Variants in CRADD observed in about 807,000 individuals in gnomAD.
CRADD encodes the protein CARD and death domain containing adaptor protein, also known as death domain-containing protein CRADD.
In CRADD, 9 loss-of-function variants were observed where a neutral mutation model predicts 15.5. That is an observed-to-expected ratio of 0.58 (90% confidence interval 0.35 to 1.01). The LOEUF (loss-of-function observed/expected upper bound fraction) is 1.01. Ranked by LOEUF, CRADD falls within the 50% of genes least tolerant of loss-of-function variation. CRADD has a pLI of 0.02. For synonymous variants in CRADD, 118 were observed against 107.6 expected (o/e 1.10, Z -0.60); for missense variants, 227 against 250.3 (o/e 0.91, Z 0.63).
intron 2 of CRADD, among the ~76,000 whole-genome samples, chr12:93,878,042 C>A (rs933677181): frequency 2.6e-5 from 4 of 152,174 alleles, no homozygotes; most frequent in Non-Finnish European, 4.4e-5. Flanking sequence ...TTATTCAGGG[C>A]CCAAGGGCTC....
At chr12:93,743,757 C>A (rs892200881) in intron 2 of CRADD, among the ~76,000 whole-genome samples, 9 of 152,246 alleles carry the variant, frequency 5.9e-5, no homozygotes, top group African/African-American at 2.2e-4. Context: ...TATGCATCTT[C>A]TTTTGAATTG....
chr12:93,875,807 C>A (rs1011866125), intron 2 of CRADD, among the ~76,000 whole-genome samples: 9 of 152,136 alleles, frequency 5.9e-5, no homozygotes, highest in Admixed American at 3.9e-4. Context: ...TCTATTGGTT[C>A]ATCATTTAGT....
chr12:93,747,727 A>G (rs1012523303), intron 2 of CRADD, among the ~76,000 whole-genome samples: 1 of 152,074 alleles, frequency 6.6e-6, no homozygotes, highest in South Asian at 2.1e-4. Context: ...TGGCCTTCCA[A>G]GGTGCTAGGA....
chr12:93,722,316 A>T (rs1289228667), intron 2 of CRADD, among the ~76,000 whole-genome samples: 4 of 151,986 alleles, frequency 2.6e-5, no homozygotes, highest in Non-Finnish European at 5.9e-5. Flanking sequence ...TAGCCTAGGT[A>T]TAGTTTTTGT....
chr12:93,716,289 C>A (rs1285483554), intron 2 of CRADD, among the ~76,000 whole-genome samples: 4 of 152,126 alleles, frequency 2.6e-5, no homozygotes, highest in Non-Finnish European at 5.9e-5. Context: ...ATACTCCCTT[C>A]CCCTGCAGAT....
At chr12:93,787,669 A>G (rs2136980627) in intron 2 of CRADD, among the ~76,000 whole-genome samples, 1 of 152,290 alleles carries the variant, frequency 6.6e-6, no homozygotes, top group South Asian at 2.1e-4. Flanking sequence ...AAACTATCCA[A>G]ACTGGAAAGG....
chr12:93,835,149 C>T (rs909008757), intron 2 of CRADD, among the ~76,000 whole-genome samples: 4 of 152,074 alleles, frequency 2.6e-5, no homozygotes, highest in East Asian at 1.9e-4. Context: ...GGCTCCTGAA[C>T]GATGAATTTT....
At chr12:93,711,335 C>T (rs769087467) in intron 2 of CRADD, among the ~76,000 whole-genome samples, 12 of 152,046 alleles carry the variant, frequency 7.9e-5, no homozygotes, top group Non-Finnish European at 1.2e-4. Flanking sequence ...CTTCCATCTT[C>T]ACTGTCCTTG....
chr12:93,790,637 G>A (rs113064464), intron 2 of CRADD: 3 of 151,914 alleles, frequency 2.0e-5, no homozygotes, highest in Non-Finnish European at 2.9e-5. Flanking sequence ...AATCCTTTTC[G>A]TAGCGAGTCA....
At chr12:93,823,812 AAAG>A (rs1384564681) in intron 2 of CRADD, among the ~76,000 whole-genome samples, 1 of 152,226 alleles carries the variant, frequency 6.6e-6, no homozygotes, top group Non-Finnish European at 1.5e-5. Context: ...GTCAGAAGAG[AAAG>A]AAGCAAGGCT....
At chr12:93,853,616 C>A (rs893592576), downstream of CRADD, among the ~76,000 whole-genome samples, 11 of 152,192 alleles carry the variant, frequency 7.2e-5, no homozygotes, top group Non-Finnish European at 1.5e-5. Context: ...CTTATATCCT[C>A]AAAAAGCAAA....
At chr12:93,705,194 T>G (rs1955920586) in intron 2 of CRADD, among the ~76,000 whole-genome samples, 1 of 152,222 alleles carries the variant, frequency 6.6e-6, no homozygotes, top group Non-Finnish European at 1.5e-5. Context: ...GCCTGTCCCA[T>G]CAATAATTAT....
chr12:93,817,901 T>G (rs966481769), intron 2 of CRADD, among the ~76,000 whole-genome samples: 57 of 152,176 alleles, frequency 3.7e-4, no homozygotes, highest in African/African-American at 1.3e-3. Flanking sequence ...CCTTAACCTG[T>G]CATAAGAAGA....
intron 2 of CRADD, among the ~76,000 whole-genome samples, chr12:93,783,228 G>GTATTAT (rs57260302): frequency 0.015 from 2,114 of 139,324 alleles, 26 homozygotes; most frequent in South Asian, 0.055. Flanking sequence ...ACAGGTATAG[G>GTATTAT]TATTATTATT....
intron 2 of CRADD, among the ~76,000 whole-genome samples, chr12:93,808,972 T>C (rs1015502821): frequency 1.3e-5 from 2 of 152,332 alleles, no homozygotes; most frequent in South Asian, 4.1e-4. Flanking sequence ...TGGAGTGCAA[T>C]GGCGCCTTCT....
chr12:93,805,904 G>T (rs1219104175), intron 2 of CRADD, among the ~76,000 whole-genome samples: 1 of 152,108 alleles, frequency 6.6e-6, no homozygotes, highest in Non-Finnish European at 1.5e-5. Flanking sequence ...ATTACCCAGA[G>T]ATGCTTGGCT....
chr12:93,890,025 C>A (rs957807817), intron 2 of CRADD, among the ~76,000 whole-genome samples: 1 of 152,218 alleles, frequency 6.6e-6, no homozygotes, highest in Non-Finnish European at 1.5e-5. Flanking sequence ...ATACTCAGCC[C>A]GGGCCTCCGA....
intron 2 of CRADD, among the ~76,000 whole-genome samples, chr12:93,877,111 G>A (rs986236492): frequency 6.6e-6 from 1 of 152,342 alleles, no homozygotes; most frequent in African/African-American, 2.4e-5. Flanking sequence ...TCTGGGAGAA[G>A]TATCTGGAGA....
chr12:93,831,236 AG>A (rs1957896397), intron 2 of CRADD: 1 of 153,596 alleles, frequency 6.5e-6, no homozygotes, highest in Non-Finnish European at 1.4e-5. Flanking sequence ...AGGGTCCACC[AG>A]GTTGCCTAAG....
Sources: allele counts gnomAD v4.1 joint callset (sites outside exome capture counted in the v4.1 genomes callset), GRCh38; gene constraint gnomAD v4.1.1; transcripts MANE v1.5; gene names NCBI Gene and HGNC (gene_info 2026-07-23, HGNC 2026-07-21).